The following EBF2 variants were observed in gnomAD, a reference collection of about 807,000 sequenced individuals.
EBF2 encodes EBF transcription factor 2.
In EBF2, 21 loss-of-function variants were observed where a neutral mutation model predicts 72.8. That is an observed-to-expected ratio of 0.29 (90% CI 0.20 to 0.42). The LOEUF (loss-of-function observed/expected upper bound fraction) is 0.42, where lower values mean the gene tolerates loss of function less well. Among genes scored for constraint, EBF2 ranks in the 10% least tolerant of loss-of-function variants. The pLI, the probability that EBF2 is intolerant of heterozygous loss-of-function variation, is 1.00. For missense variants in EBF2, 637 were observed against 731.2 expected, an observed-to-expected ratio of 0.87 and a Z score of 1.49; for synonymous variants, 299 against 274.2, an observed-to-expected ratio of 1.09 and a Z score of -0.89.
chr8:25,857,122 T>C (rs1417025078), intron 14 of EBF2, among the ~76,000 whole-genome samples: 1 of 152,168 alleles, frequency 6.6e-6, no homozygotes, highest in Non-Finnish European at 1.5e-5. Flanking sequence ...TTCTCTAGAC[T>C]GTTATCTAAT....
intron 6 of EBF2, among the ~76,000 whole-genome samples, chr8:25,966,532 A>G (rs1804118619): frequency 6.6e-6 from 1 of 152,204 alleles, no homozygotes; most frequent in African/African-American, 2.4e-5. Flanking sequence ...AATCTGAGAG[A>G]TTTGCTGTTA....
At position 26,040,970 on chromosome 8, in the gene EBF2, A is replaced by G. The variant is rs761457839; in HGVS notation, c.321T>C (p.Thr107=). ...TGTAGAGGAGCTGTAACTTGTAGTGAGTGCCGTTGTTGGTCTTCTCGTTGC... is the reference window on the plus strand; with the variant it reads ...TGTAGAGGAGCTGTAACTTGTAGTGGGTGCCGTTGTTGGTCTTCTCGTTGC... ...EQGNEKTNNG[T]HYKLQLLYSN... The change falls in exon 3 of 16, where the codon ACT becomes ACC. Residue 107 remains threonine (T), a synonymous_variant. Coordinates refer to ENST00000520164, the MANE Select transcript of EBF2 (RefSeq NM_022659.4). The G allele has an allele frequency of 1.6e-5, 26 of 1,614,078 alleles. No homozygotes were observed. The African/African-American group carries it at 2.3e-4, about 14-fold the overall frequency.
chr8:25,993,025 C>T (rs1279425065), intron 6 of EBF2, among the ~76,000 whole-genome samples: 1 of 152,126 alleles, frequency 6.6e-6, no homozygotes, highest in Non-Finnish European at 1.5e-5. Context: ...CCTTTCCCTG[C>T]CCCCACCTCC....
intron 6 of EBF2, among the ~76,000 whole-genome samples, chr8:25,941,557 T>C (rs1294124056): frequency 1.3e-5 from 2 of 152,094 alleles, no homozygotes; most frequent in African/African-American, 4.8e-5. Context: ...TTTTGGGGAA[T>C]GGGATGATAG....
chr8:25,878,335 G>A (rs1330236663), intron 10 of EBF2, among the ~76,000 whole-genome samples: 1 of 152,194 alleles, frequency 6.6e-6, no homozygotes, highest in East Asian at 1.9e-4. Flanking sequence ...GAGTGCGTGG[G>A]TCAGTGCTTC....
chr8:26,012,635 T>TA (rs1805043307), intron 6 of EBF2, among the ~76,000 whole-genome samples: 1 of 152,224 alleles, frequency 6.6e-6, no homozygotes, highest in South Asian at 2.1e-4. Context: ...GCTTTTCCAC[T>TA]AATGGACAGA....
At chr8:26,015,010 C>T (rs1440426920) in intron 6 of EBF2, among the ~76,000 whole-genome samples, 1 of 152,216 alleles carries the variant, frequency 6.6e-6, no homozygotes, top group East Asian at 1.9e-4. Flanking sequence ...GGGTAAGATG[C>T]AAATCGTAGG....
rs534005592 is a variant in EBF2, at chr8:25,896,561, C to T, written c.634-6692G>A. 2.6e-5 allele frequency among the ~76,000 whole-genome samples: 4 copies of T among 152,318 alleles called. No individual in the cohort carries two copies. The East Asian group carries it at 7.7e-4, about 29-fold the overall frequency. On this transcript the variant is annotated intron_variant, in intron 7 of 15. Coordinates refer to ENST00000520164, the MANE Select transcript of EBF2 (RefSeq NM_022659.4). ...TTCATGAAGTGCTTTTCCCTTATAA[C>T]TGTTCGGTTGCCATATATGTTATTT...
intron 6 of EBF2, among the ~76,000 whole-genome samples, chr8:26,019,603 C>T (rs1805173836): frequency 6.6e-6 from 1 of 152,166 alleles, no homozygotes; most frequent in South Asian, 2.1e-4. Flanking sequence ...TGTGACTAGA[C>T]AGCAGCTGAG....
In EBF2 at chr8:25,866,443, A is replaced by T. The variant is rs989107606; in HGVS notation, c.1010-3646T>A. Among the ~76,000 whole-genome samples, 4 of 140,120 alleles carry T rather than the reference A, an allele frequency of 2.9e-5. No individual in the cohort carries two copies. The East Asian group carries it at 6.0e-4, about 21-fold the overall frequency. The allele number at this position is 140,120 out of a possible 152,430, so 91.9% of individuals were successfully genotyped here. On this transcript the variant is annotated intron_variant, in intron 10 of 15. Coordinates refer to ENST00000520164, the MANE Select transcript of EBF2 (RefSeq NM_022659.4). The stretch of plus-strand genomic sequence containing the variant: ...GGCCAGATTTTTTATTTATATATAT[A>T]ATATATATATATATATAATATATAG...
At chr8:25,905,487 A>G (rs1803019031) in intron 7 of EBF2, among the ~76,000 whole-genome samples, 1 of 151,738 alleles carries the variant, frequency 6.6e-6, no homozygotes, top group African/African-American at 2.4e-5. Flanking sequence ...TATCCATACA[A>G]TGGAATAGTC....
chr8:25,885,218 T>TG (rs929657070), intron 10 of EBF2, among the ~76,000 whole-genome samples: 26 of 151,866 alleles, frequency 1.7e-4, no homozygotes, highest in Admixed American at 1.6e-3. Flanking sequence ...CCTTTTTTTT[T>TG]TAACTTTAAA....
chr8:25,992,430 AGTGGAGCTGAACTAGG>A (rs1335946084), intron 6 of EBF2, among the ~76,000 whole-genome samples: 4 of 151,354 alleles, frequency 2.6e-5, no homozygotes, highest in African/African-American at 9.7e-5. Flanking sequence ...ACACCAGCTC[AGTGGAGCTGAACTAGG>A]AACTGCACAA....
intron 7 of EBF2, among the ~76,000 whole-genome samples, chr8:25,906,703 G>A (rs901198126): frequency 2.6e-5 from 4 of 151,990 alleles, no homozygotes; most frequent in African/African-American, 9.7e-5. Flanking sequence ...GGAGGAGGAG[G>A]TTGCAGTGAG....
intron 6 of EBF2, among the ~76,000 whole-genome samples, chr8:25,934,991 A>G (rs1405879944): frequency 6.6e-6 from 1 of 152,186 alleles, no homozygotes; most frequent in Non-Finnish European, 1.5e-5. Flanking sequence ...CTTCAGCCAC[A>G]GGACCAAGCG....
At chr8:26,016,309 C>T (rs1275318795) in intron 6 of EBF2, among the ~76,000 whole-genome samples, 2 of 152,318 alleles carry the variant, frequency 1.3e-5, no homozygotes, top group African/African-American at 4.8e-5. Flanking sequence ...GTGATACAGA[C>T]CAGCAGGAGG....
chr8:25,880,151 A>G (rs898682991), intron 10 of EBF2, among the ~76,000 whole-genome samples: 7 of 152,218 alleles, frequency 4.6e-5, no homozygotes, highest in Non-Finnish European at 7.3e-5. Context: ...TGCTGAATAA[A>G]GGAATAAGTC....
chr8:25,925,631 G>T (rs1803373498), intron 6 of EBF2, among the ~76,000 whole-genome samples: 1 of 152,194 alleles, frequency 6.6e-6, no homozygotes, highest in Admixed American at 6.5e-5. Flanking sequence ...ACGCATGTGT[G>T]TGTGTCAAAG....
At chr8:25,941,545 C>G (rs537407506) in intron 6 of EBF2, among the ~76,000 whole-genome samples, 1 of 152,114 alleles carries the variant, frequency 6.6e-6, no homozygotes, top group African/African-American at 2.4e-5. Flanking sequence ...CCGTCTGACT[C>G]TTTTTGGGGA....
Sources: gnomAD v4.1 joint callset for allele counts (sites outside exome capture counted in the v4.1 genomes callset) on GRCh38, gnomAD v4.1.1 for gene constraint, MANE v1.5 for transcripts, NCBI Gene and HGNC (gene_info 2026-07-23, HGNC 2026-07-21) for gene names.